The following LYSMD3 variants were observed in gnomAD, a reference collection of about 807,000 sequenced individuals.
The protein encoded by LYSMD3 is LysM domain containing 3.
LYSMD3 carries 13 observed loss-of-function variants against 26.1 expected under a neutral mutation model. That is an observed-to-expected ratio of 0.50 (90% CI 0.32 to 0.79). The LOEUF (loss-of-function observed/expected upper bound fraction) is 0.79, where lower values mean the gene tolerates loss of function less well. Among genes scored for constraint, LYSMD3 ranks in the 30% least tolerant of loss-of-function variants. The pLI is 0.03. For missense variants in LYSMD3, 331 were observed against 362.5 expected, an observed-to-expected ratio of 0.91 and a Z score of 0.71; for synonymous variants, 109 against 119.4, an observed-to-expected ratio of 0.91 and a Z score of 0.57.
chr5:90,521,211 G>A (rs1753081473), intron 2 of LYSMD3, among the ~76,000 whole-genome samples: 1 of 152,072 alleles, frequency 6.6e-6, no homozygotes. Context: ...CCTGCAATAT[G>A]GCAGTAATAA....
Position 90,521,644 on chromosome 5 carries a change from C to T in LYSMD3, c.256-2160G>A, listed in dbSNP as rs774406310. Among the ~76,000 whole-genome samples the T allele has an allele frequency of 1.8e-4, 27 of 152,020 alleles. No homozygotes were observed. The Middle Eastern group carries it at 0.01, about 57-fold the overall frequency. On this transcript the variant is annotated intron_variant, in intron 2 of 2. Coordinates refer to ENST00000315948, the MANE Select transcript of LYSMD3 (RefSeq NM_198273.2). Reference sequence around the variant, plus strand: ...TCTGACCCCATTCTCTTTAAATGCTCTTTTGCTTGGTATTGTGTACTCTTA... The same window carrying T: ...TCTGACCCCATTCTCTTTAAATGCTTTTTTGCTTGGTATTGTGTACTCTTA...
intron 1 of LYSMD3, among the ~76,000 whole-genome samples, chr5:90,526,610 A>T (rs1045718467): frequency 5.3e-5 from 8 of 152,218 alleles, no homozygotes; most frequent in Non-Finnish European, 1.2e-4. Context: ...AAGTAGTAAG[A>T]AGCACTTTGG....
intron 2 of LYSMD3, chr5:90,520,565 T>C (rs965535243): frequency 1.1e-5 from 5 of 450,024 alleles, no homozygotes; most frequent in African/African-American, 4.0e-5. Context: ...TGTAGATATA[T>C]GTCTGAAACT....
intron 1 of LYSMD3, among the ~76,000 whole-genome samples, chr5:90,526,182 T>C (rs987545069): frequency 2.0e-5 from 3 of 152,176 alleles, no homozygotes; most frequent in African/African-American, 7.2e-5. Flanking sequence ...TGGACTTTGG[T>C]ATTTATATTT....
chr5:90,519,450 C>T lies in LYSMD3; in HGVS notation c.290G>A (p.Ser97Asn). The T allele has an allele frequency of 6.2e-7, 1 of 1,613,050 alleles. No homozygotes were observed. Among genetic ancestry groups the T allele is most frequent in the Non-Finnish European group, 8.5e-7 (1 of 1,179,850 alleles). The change falls in exon 3 of 3, where the codon AGT becomes AAT. Residue 97 changes from serine to asparagine, a missense_variant. By Grantham distance (46) the Ser-to-Asn change is conservative. This residue lies in a region of LYSMD3 where 262 missense variants were observed against 267.3 expected (regional missense o/e 0.98). Transcript: ENST00000315948. ...CCTAAGGGCAAAAAAGTCTTGATCA[C>T]TGATGAGATTGTTAACTCTCTTGAT... The part of the protein sequence containing the change: ...ADIKRVNNLI[S>N]DQDFFALRSI...
Position 90,518,765 on chromosome 5 carries a change from T to A in LYSMD3, c.*54A>T. ...GAAGCTATTATTGGATATAACTGAT[T>A]CACCACATTCCAGATGCACATGTGA... On this transcript the variant is annotated 3_prime_UTR_variant, in exon 3 of 3. Transcript: ENST00000315948. 6.9e-7 allele frequency: 1 copy of A among 1,457,292 alleles called. No homozygotes were observed. Among genetic ancestry groups the A allele is most frequent in the South Asian group, 1.3e-5 (1 of 76,754 alleles). The allele number at this position is 1,457,292 out of a possible 1,614,324, so 90.3% of individuals were successfully genotyped here.
chr5:90,519,910 A>G (rs762577263), intron 2 of LYSMD3, among the ~76,000 whole-genome samples: 14 of 151,998 alleles, frequency 9.2e-5, no homozygotes, highest in Non-Finnish European at 2.1e-4. Flanking sequence ...ACCATATTTT[A>G]TCAAAACTAA....
chr5:90,518,951 GATTTTTGAATGT>G lies in LYSMD3; in HGVS notation c.777_788del (p.Leu259_Ile263delinsPhe). 1 of 1,613,994 alleles carries G rather than the reference GATTTTTGAATGT, an allele frequency of 6.2e-7. No homozygotes were observed. The highest frequency in any genetic ancestry group is 8.5e-7 in the Non-Finnish European group (1 of 1,179,938). On this transcript the variant is annotated inframe_deletion, in exon 3 of 3. Coordinates refer to ENST00000315948, the MANE Select transcript of LYSMD3 (RefSeq NM_198273.2). ...TTTCTCTCTGCTGTGATGGGGGTGT[GATTTTTGAATGT>G]AAATGTGAAGAGTCCACTGTTGAAT...
Position 90,516,216 on chromosome 5 carries a change from A to G in LYSMD3, c.*2603T>C, listed in dbSNP as rs1236049260. 6.6e-6 allele frequency: 1 copy of G among 152,160 alleles called. No individual in the cohort carries two copies. The highest frequency in any genetic ancestry group is 1.5e-5 in the Non-Finnish European group (1 of 67,980). 9.4% of individuals were successfully genotyped at this position (152,160 alleles called of 1,614,324 possible). A position where few individuals can be genotyped will look rare whatever the true frequency, so the allele number is the denominator to read the frequency against. On this transcript the variant is annotated 3_prime_UTR_variant, in exon 3 of 3. Coordinates refer to ENST00000315948, the MANE Select transcript of LYSMD3 (RefSeq NM_198273.2). ...TTTTAATGTGGCCAGCAGAGTGTGT[A>G]ACCATTTTTAACATATCTTTTGAAA...
rs1263772331 is a variant in LYSMD3, at chr5:90,515,655, CAT to C, written c.*3162_*3163del. 6.6e-6 allele frequency: 1 copy of C among 152,100 alleles called. No homozygotes were observed. Among genetic ancestry groups the C allele is most frequent in the Non-Finnish European group, 1.5e-5 (1 of 68,006 alleles). 9.4% of individuals were successfully genotyped at this position (152,100 alleles called of 1,614,324 possible). A position where few individuals can be genotyped will look rare whatever the true frequency, so the allele number is the denominator to read the frequency against. On this transcript the variant is annotated 3_prime_UTR_variant, in exon 3 of 3. Transcript: ENST00000315948. ...AGATTGAATAAGAGAAACTTTATTA[CAT>C]GTTGGAGATCTTTCAAAATATGAAA...
At position 90,519,332 on chromosome 5, in the gene LYSMD3, T is replaced by C. The variant is rs1018840730; in HGVS notation, c.408A>G (p.Gln136=). The C allele has an allele frequency of 8.7e-6, 14 of 1,614,006 alleles. No homozygotes were observed. In the African/African-American group the frequency reaches 9.3e-5, roughly 11 times the overall value. ...GRQTSRHSSV[Q]YSSEQQEILP... is the part of the protein sequence containing the mutation. ...AAATTTCCTGTTGTTCGGAAGAGTA[T>C]TGAACAGATGAATGACGTGAAGTCT... is the stretch of plus-strand genomic sequence containing the variant. The change falls in exon 3 of 3, where the codon CAA becomes CAG. Residue 136 remains glutamine (Q), a synonymous_variant. Coordinates refer to ENST00000315948, the MANE Select transcript of LYSMD3 (RefSeq NM_198273.2).
At position 90,519,133 on chromosome 5, in the gene LYSMD3, T is replaced by A; in HGVS notation, c.607A>T (p.Thr203Ser). ...CCATAATAGGGGTCTTTACGTTGAG[T>A]GTTTTTGTTATCAGGTTCAAAACGC... Reference protein sequence around the residue: ...QMRFEPDNKNTQRKDPYYGAD... With the variant: ...QMRFEPDNKNSQRKDPYYGAD... Residue 203 changes from threonine to serine, a missense_variant, in exon 3 of 3, where the codon ACT (threonine) becomes TCT (serine). This residue lies in a region of LYSMD3 where 262 missense variants were observed against 267.3 expected (regional missense o/e 0.98). Transcript: ENST00000315948. 1 of 1,614,170 alleles carries A rather than the reference T, an allele frequency of 6.2e-7. No individual in the cohort carries two copies. The highest frequency in any genetic ancestry group is 8.5e-7 in the Non-Finnish European group (1 of 1,180,002).
Position 90,518,200 on chromosome 5 carries a change from C to T in LYSMD3, c.*619G>A, listed in dbSNP as rs1752996024. On this transcript the variant is annotated 3_prime_UTR_variant, in exon 3 of 3. Transcript: ENST00000315948. Reference sequence around the variant, plus strand: ...TTCACCTATTCCAGTGTTCTACTGACTTCCCAACCATAATACATTATTTTG... The same window carrying T: ...TTCACCTATTCCAGTGTTCTACTGATTTCCCAACCATAATACATTATTTTG... 2 of 152,216 alleles carry T rather than the reference C, an allele frequency of 1.3e-5. No individual in the cohort carries two copies. Among genetic ancestry groups the T allele is most frequent in the Admixed American group, 1.3e-4 (2 of 15,278 alleles). 9.4% of individuals were successfully genotyped at this position (152,216 alleles called of 1,614,324 possible). A position where few individuals can be genotyped will look rare whatever the true frequency, so the allele number is the denominator to read the frequency against.
At position 90,525,697 on chromosome 5, in the gene LYSMD3, A is replaced by T. The variant is rs1342807277; in HGVS notation, c.-11-397T>A. ...ACTCTTGACCTCAGGTGATCTGCCC[A>T]CTTCAGCCTCCCAAAGTGCTACGAT... On this transcript the variant is annotated intron_variant, in intron 1 of 2. Coordinates refer to ENST00000315948, the MANE Select transcript of LYSMD3 (RefSeq NM_198273.2). Among the ~76,000 whole-genome samples, 8 of 152,092 alleles carry T rather than the reference A, an allele frequency of 5.3e-5. No individual in the cohort carries two copies. In the South Asian group the frequency reaches 1.4e-3, roughly 28 times the overall value.
rs201376257 is a variant in LYSMD3, at chr5:90,519,040, C to T, written c.700G>A (p.Val234Met). The T allele has an allele frequency of 3.1e-6, 5 of 1,614,046 alleles. No homozygotes were observed. The East Asian group carries it at 8.9e-5, about 29-fold the overall frequency. The change falls in exon 3 of 3, where the codon GTG (valine) becomes ATG (methionine). Residue 234 changes from valine (V) to methionine (M), a missense_variant. This residue lies in a region of LYSMD3 where 8 missense variants were observed against 28.4 expected (regional missense o/e 0.28). Transcript: ENST00000315948. The stretch of plus-strand genomic sequence containing the variant: ...ATTTCATAATACAACAAATAAAACA[C>T]TGGTGTTATTATACCTACTATCAAC... ...IMLIVGIITPVFYLLYYEILA... is the reference protein window; with the variant it reads ...IMLIVGIITPMFYLLYYEILA...
intron 1 of LYSMD3, chr5:90,526,925 A>C (rs1753236950): frequency 6.6e-6 from 1 of 152,214 alleles, no homozygotes; most frequent in Non-Finnish European, 1.5e-5. Context: ...TTACCTAGAG[A>C]GTATAGAAAA....
At chr5:90,524,037 C>A (rs1471234355) in intron 2 of LYSMD3, among the ~76,000 whole-genome samples, 1 of 152,014 alleles carries the variant, frequency 6.6e-6, no homozygotes, top group East Asian at 1.9e-4. Flanking sequence ...GGATCTATCC[C>A]ACAGAAGTAA....
chr5:90,526,611 A>T (rs1404361162), intron 1 of LYSMD3, among the ~76,000 whole-genome samples: 2 of 152,222 alleles, frequency 1.3e-5, no homozygotes, highest in Non-Finnish European at 1.5e-5. Context: ...AGTAGTAAGA[A>T]GCACTTTGGA....
chr5:90,519,829 A>T (rs1296683790), intron 2 of LYSMD3, among the ~76,000 whole-genome samples: 1 of 151,996 alleles, frequency 6.6e-6, no homozygotes, highest in Non-Finnish European at 1.5e-5. Context: ...TGAAGGAAGG[A>T]TTATGGGTAG....
Sources: allele counts gnomAD v4.1 joint callset (sites outside exome capture counted in the v4.1 genomes callset), GRCh38; gene constraint gnomAD v4.1.1; regional missense constraint gnomAD v4.1.1; transcripts MANE v1.5; gene names NCBI Gene and HGNC (gene_info 2026-07-23, HGNC 2026-07-21).